CFAP299: variants seen among roughly 807,000 people sequenced by gnomAD.
CFAP299 encodes the protein cilia- and flagella-associated protein 299.
A neutral mutation model predicts 27.0 loss-of-function variants in CFAP299; 21 were observed. The ratio of observed to expected loss-of-function variants is 0.78; its 90% confidence interval spans 0.55 to 1.12. The LOEUF is 1.12. Among genes scored for constraint, CFAP299 ranks in the 50% most tolerant of loss-of-function variants. The pLI, the probability that CFAP299 is intolerant of heterozygous loss-of-function variation, is 0.00. For synonymous variants in CFAP299, 104 were observed against 98.1 expected, an observed-to-expected ratio of 1.06 and a Z score of -0.36; for missense variants, 310 against 276.6, an observed-to-expected ratio of 1.12 and a Z score of -0.86.
chr4:80,866,040 C>CACATGT, intron 3 of CFAP299, among the ~76,000 whole-genome samples: 1 of 113,334 alleles, frequency 8.8e-6, no homozygotes, highest in Non-Finnish European at 1.9e-5. Context: ...GCACCTTGTG[C>CACATGT]ACCGTAGAAC....
At chr4:80,534,075 T>C (rs1202085665) in intron 2 of CFAP299, among the ~76,000 whole-genome samples, 6 of 152,080 alleles carry the variant, frequency 3.9e-5, no homozygotes, top group African/African-American at 1.4e-4. Context: ...TAAAGTAAAC[T>C]AACATCTACC....
chr4:80,879,673 G>A (rs1733592849), intron 4 of CFAP299, among the ~76,000 whole-genome samples: 1 of 152,048 alleles, frequency 6.6e-6, no homozygotes, highest in South Asian at 2.1e-4. Flanking sequence ...GAGTGTGAGT[G>A]AAGCAGATAA....
chr4:80,586,214 A>G (rs1438854582), intron 3 of CFAP299, among the ~76,000 whole-genome samples: 2 of 152,058 alleles, frequency 1.3e-5, no homozygotes, highest in Non-Finnish European at 1.5e-5. Context: ...TATAGATTAA[A>G]TATTTGTCAC....
At chr4:80,853,806 T>C (rs1313018729) in intron 3 of CFAP299, among the ~76,000 whole-genome samples, 2 of 152,176 alleles carry the variant, frequency 1.3e-5, no homozygotes, top group Non-Finnish European at 2.9e-5. Context: ...AGGTAAATAA[T>C]GTTGCATATT....
intron 3 of CFAP299, among the ~76,000 whole-genome samples, chr4:80,585,784 T>C (rs1736404229): frequency 6.6e-6 from 1 of 152,128 alleles, no homozygotes; most frequent in South Asian, 2.1e-4. Context: ...TGAGAGGCCA[T>C]TGTAACAGTT....
At chr4:80,545,994 A>G (rs1340656999) in intron 2 of CFAP299, among the ~76,000 whole-genome samples, 1 of 152,184 alleles carries the variant, frequency 6.6e-6, no homozygotes, top group Non-Finnish European at 1.5e-5. Flanking sequence ...AAAATTAATA[A>G]CATAGACTAC....
intron 4 of CFAP299, among the ~76,000 whole-genome samples, chr4:80,894,107 A>G (rs755845420): frequency 6.6e-6 from 1 of 152,036 alleles, no homozygotes; most frequent in Admixed American, 6.6e-5. Flanking sequence ...CTACAGATAT[A>G]TGAAAAGGTG....
At chr4:80,850,257 T>A (rs1173091651) in intron 3 of CFAP299, among the ~76,000 whole-genome samples, 3 of 151,920 alleles carry the variant, frequency 2.0e-5, no homozygotes, top group African/African-American at 7.2e-5. Context: ...AGAAAAAGTT[T>A]AGGAATGGTT....
chr4:80,825,086 C>G (rs12171370), intron 3 of CFAP299, among the ~76,000 whole-genome samples: 6,062 of 148,888 alleles, frequency 0.041, 178 homozygotes, highest in East Asian at 0.14. Flanking sequence ...AAAAAGAAAC[C>G]AACAAGATGT....
intron 1 of CFAP299, among the ~76,000 whole-genome samples, chr4:80,339,913 T>C (rs1722356188): frequency 6.6e-6 from 1 of 152,232 alleles, no homozygotes; most frequent in African/African-American, 2.4e-5. Flanking sequence ...GTGTTGGAAT[T>C]ATTTAAAATG....
At chr4:80,722,696 C>A (rs939903047) in intron 3 of CFAP299, among the ~76,000 whole-genome samples, 2 of 151,918 alleles carry the variant, frequency 1.3e-5, no homozygotes, top group Admixed American at 1.3e-4. Context: ...GTCAGGAGAT[C>A]GAGACCATCC....
At chr4:80,739,437 G>T (rs1484845473) in intron 3 of CFAP299, among the ~76,000 whole-genome samples, 1 of 151,964 alleles carries the variant, frequency 6.6e-6, no homozygotes, top group Non-Finnish European at 1.5e-5. Context: ...CTATTCTAGG[G>T]TAAAAGTGGT....
At chr4:80,608,123 A>C (rs1737772867) in intron 3 of CFAP299, among the ~76,000 whole-genome samples, 1 of 152,148 alleles carries the variant, frequency 6.6e-6, no homozygotes, top group Non-Finnish European at 1.5e-5. Flanking sequence ...TTATCTGTAC[A>C]GTTATAATAT....
intron 2 of CFAP299, among the ~76,000 whole-genome samples, chr4:80,372,818 G>A (rs1050540723): frequency 2.0e-5 from 3 of 152,186 alleles, no homozygotes; most frequent in South Asian, 2.1e-4. Context: ...ACATAACCCC[G>A]AGACAAAATT....
At chr4:80,531,331 A>G (rs945775636) in intron 2 of CFAP299, among the ~76,000 whole-genome samples, 1 of 152,180 alleles carries the variant, frequency 6.6e-6, no homozygotes, top group African/African-American at 2.4e-5. Flanking sequence ...AAATTTCTTT[A>G]TACATTTTGT....
chr4:80,735,098 CT>C (rs1197649369), intron 3 of CFAP299, among the ~76,000 whole-genome samples: 2 of 151,996 alleles, frequency 1.3e-5, no homozygotes, highest in African/African-American at 2.4e-5. Context: ...AATATCTTTC[CT>C]TTTTTGTGTG....
At chr4:80,586,570 G>A (rs7686963) in intron 3 of CFAP299, among the ~76,000 whole-genome samples, 11,859 of 151,986 alleles carry the variant, frequency 0.078, 694 homozygotes, top group East Asian at 0.26. Flanking sequence ...TGTGCAAACC[G>A]CTTTACTATT....
chr4:80,437,344 A>C (rs866393846), intron 2 of CFAP299, among the ~76,000 whole-genome samples: 12 of 152,292 alleles, frequency 7.9e-5, no homozygotes, highest in Middle Eastern at 6.8e-3. Flanking sequence ...CTAATAAGCT[A>C]GCCTGCAATA....
chr4:80,614,388 A>G (rs975040976), intron 3 of CFAP299, among the ~76,000 whole-genome samples: 3 of 152,216 alleles, frequency 2.0e-5, no homozygotes, highest in Non-Finnish European at 4.4e-5. Context: ...AACAGTCCAT[A>G]CTAGTGGTGA....
Sources: allele counts gnomAD v4.1 joint callset (sites outside exome capture counted in the v4.1 genomes callset), GRCh38; gene constraint gnomAD v4.1.1; transcripts MANE v1.5; gene names NCBI Gene and HGNC (gene_info 2026-07-23, HGNC 2026-07-21).